The following CNBD1 variants were observed in gnomAD, a reference collection of about 807,000 sequenced individuals.
The protein encoded by CNBD1 is cyclic nucleotide binding domain containing 1.
A neutral mutation model predicts 54.4 loss-of-function variants in CNBD1; 71 were observed. That is an observed-to-expected ratio of 1.30 (90% CI 1.08 to 1.59). CNBD1 has a LOEUF of 1.59. Among genes scored for constraint, CNBD1 ranks in the 40% most tolerant of loss-of-function variants. The probability of loss-of-function intolerance (pLI) is 0.00; values close to 1 mark genes in which losing one functional copy is unlikely to be tolerated. For synonymous variants in CNBD1, 182 were observed against 170.7 expected (o/e 1.07, Z -0.51); for missense variants, 659 against 518.0 (o/e 1.27, Z -2.64).
At position 87,236,910 on chromosome 8, in the gene CNBD1, T is replaced by C; in HGVS notation, c.578-9T>C. On this transcript the variant is annotated splice_polypyrimidine_tract_variant and intron_variant, in intron 5 of 10. Coordinates refer to ENST00000518476, the MANE Select transcript of CNBD1 (RefSeq NM_173538.3). ...CACAGTATATATTTTTTGGCTTTGT[T>C]TTTTTCAGTGGTTGCAAATGATGGA... is the stretch of plus-strand genomic sequence containing the variant. 1 of 1,580,998 alleles carries C rather than the reference T, an allele frequency of 6.3e-7. No individual in the cohort carries two copies.
At chr8:87,415,481 C>T (rs1484767235) in intron 2 of CNBD1, among the ~76,000 whole-genome samples, 2 of 152,026 alleles carry the variant, frequency 1.3e-5, no homozygotes, top group East Asian at 3.9e-4. Context: ...AAGGAGCACT[C>T]TCAGAACATA....
intron 8 of CNBD1, among the ~76,000 whole-genome samples, chr8:87,324,716 G>A (rs1336156119): frequency 1.3e-5 from 2 of 151,498 alleles, no homozygotes; most frequent in East Asian, 3.9e-4. Context: ...AGTCTTGCTA[G>A]CGGTCTATCA....
intron 4 of CNBD1, among the ~76,000 whole-genome samples, chr8:87,147,636 A>C (rs1362610351): frequency 6.6e-6 from 1 of 152,082 alleles, no homozygotes; most frequent in African/African-American, 2.4e-5. Context: ...AGCTTCTAAA[A>C]CCTGCACATG....
intron 8 of CNBD1, among the ~76,000 whole-genome samples, chr8:87,317,773 A>G (rs1201011685): frequency 1.3e-5 from 2 of 151,982 alleles, no homozygotes; most frequent in African/African-American, 4.8e-5. Flanking sequence ...AATTTTGGAA[A>G]TTACATCTTC....
chr8:87,190,025 T>C (rs1482350735), intron 4 of CNBD1, among the ~76,000 whole-genome samples: 1 of 152,190 alleles, frequency 6.6e-6, no homozygotes, highest in Non-Finnish European at 1.5e-5. Flanking sequence ...TTTTAAATAA[T>C]TTCATAACAG....
At chr8:87,291,089 G>C (rs1015798595) in intron 8 of CNBD1, among the ~76,000 whole-genome samples, 4 of 152,132 alleles carry the variant, frequency 2.6e-5, no homozygotes, top group Non-Finnish European at 5.9e-5. Context: ...CTTAGAAATA[G>C]TCTATGTCCT....
intron 8 of CNBD1, among the ~76,000 whole-genome samples, chr8:87,314,320 A>G (rs1427777793): frequency 2.6e-5 from 4 of 151,958 alleles, no homozygotes; most frequent in Non-Finnish European, 5.9e-5. Flanking sequence ...TTTTAAAAAA[A>G]AAGATATTAC....
chr8:87,146,816 C>T (rs925637049), intron 4 of CNBD1, among the ~76,000 whole-genome samples: 4 of 152,116 alleles, frequency 2.6e-5, no homozygotes, highest in African/African-American at 9.7e-5. Flanking sequence ...GTAATAACCT[C>T]CTACTGATTT....
chr8:87,393,965 G>A (rs1259549408), intron 2 of CNBD1, among the ~76,000 whole-genome samples: 1 of 151,780 alleles, frequency 6.6e-6, no homozygotes, highest in African/African-American at 2.4e-5. Context: ...AGCACAATAT[G>A]TAATGCACTT....
In CNBD1 at chr8:87,258,114, T is replaced by C. The variant is rs184938439; in HGVS notation, c.771+21002T>C. ...CTGTTTACCTGTCTTTGGGATGCTTTAAGTGCCCTCTGTATCATCCCAAAG... is the reference window on the plus strand; with the variant it reads ...CTGTTTACCTGTCTTTGGGATGCTTCAAGTGCCCTCTGTATCATCCCAAAG... On this transcript the variant is annotated intron_variant, in intron 6 of 10. Transcript: ENST00000518476. Among the ~76,000 whole-genome samples the C allele has an allele frequency of 4.3e-3, 653 of 152,290 alleles. 3 individuals carry two copies. Among genetic ancestry groups the C allele is most frequent in the Non-Finnish European group, 3.6e-3 (243 of 68,014 alleles).
chr8:86,938,224 C>T (rs1255048542), intron 3 of CNBD1, among the ~76,000 whole-genome samples: 2 of 152,170 alleles, frequency 1.3e-5, no homozygotes, highest in African/African-American at 4.8e-5. Flanking sequence ...ACCAACTCAG[C>T]CTAGACTTTT....
chr8:86,978,906 A>T (rs1270797544), intron 4 of CNBD1, among the ~76,000 whole-genome samples: 2 of 152,152 alleles, frequency 1.3e-5, no homozygotes, highest in Non-Finnish European at 2.9e-5. Context: ...TCTGGAAAAA[A>T]GTATAATCTA....
At chr8:87,120,920 A>G (rs1188865580) in intron 4 of CNBD1, among the ~76,000 whole-genome samples, 1 of 152,014 alleles carries the variant, frequency 6.6e-6, no homozygotes, top group South Asian at 2.1e-4. Context: ...TGCTGGGCAC[A>G]TACATCAGTT....
intron 4 of CNBD1, among the ~76,000 whole-genome samples, chr8:86,973,451 T>G (rs188587527): frequency 1.5e-3 from 224 of 152,322 alleles, no homozygotes; most frequent in Middle Eastern, 6.8e-3. Flanking sequence ...GGATGTGGCC[T>G]TGTCTTTTCA....
At chr8:87,142,163 C>T (rs934927946) in intron 4 of CNBD1, among the ~76,000 whole-genome samples, 2 of 151,988 alleles carry the variant, frequency 1.3e-5, no homozygotes, top group East Asian at 3.9e-4. Context: ...TACCAGGGAA[C>T]GTTATGAAAA....
At position 87,095,140 on chromosome 8, in the gene CNBD1, C is replaced by A. The variant is rs548772388; in HGVS notation, c.432-110853C>A. Among the ~76,000 whole-genome samples, 4 of 152,308 alleles carry A rather than the reference C, an allele frequency of 2.6e-5. No individual in the cohort carries two copies. The East Asian group carries it at 5.8e-4, about 22-fold the overall frequency. On this transcript the variant is annotated intron_variant, in intron 4 of 10. Transcript: ENST00000518476. ...TGGCCTCTTCACCTAAAGTGTGAAA[C>A]CTTCAGATTAAAGCAAGGTTAATTA...
At chr8:86,969,317 T>A (rs1037765695) in intron 4 of CNBD1, among the ~76,000 whole-genome samples, 1 of 152,196 alleles carries the variant, frequency 6.6e-6, no homozygotes, top group East Asian at 1.9e-4. Flanking sequence ...AGAACGCAGA[T>A]ATTTTGATTG....
intron 6 of CNBD1, among the ~76,000 whole-genome samples, chr8:87,278,296 AT>A (rs950371872): frequency 2.0e-5 from 3 of 151,662 alleles, no homozygotes; most frequent in Admixed American, 6.6e-5. Context: ...ACTGATTGAA[AT>A]TTTTTTCTGA....
chr8:87,144,447 A>G (rs140738367), intron 4 of CNBD1, among the ~76,000 whole-genome samples: 75 of 152,348 alleles, frequency 4.9e-4, no homozygotes, highest in African/African-American at 1.7e-3. Context: ...ACTTTGAAAC[A>G]TATAAAGGGA....
Sources: gnomAD v4.1 joint callset for allele counts (sites outside exome capture counted in the v4.1 genomes callset) on GRCh38, gnomAD v4.1.1 for gene constraint, MANE v1.5 for transcripts, NCBI Gene and HGNC (gene_info 2026-07-23, HGNC 2026-07-21) for gene names.